The following PLA2G4A variants were observed in gnomAD, a reference collection of about 807,000 sequenced individuals.
The protein encoded by PLA2G4A is phospholipase A2 group IVA.
In PLA2G4A, 40 loss-of-function variants were observed where a neutral mutation model predicts 81.9. The ratio of observed to expected loss-of-function variants is 0.49; its 90% confidence interval spans 0.38 to 0.64. The LOEUF (loss-of-function observed/expected upper bound fraction) is 0.64. Ranked by LOEUF, PLA2G4A falls within the 30% of genes least tolerant of loss-of-function variation. The probability of loss-of-function intolerance (pLI) is 0.00; values close to 1 mark genes in which losing one functional copy is unlikely to be tolerated. For missense variants in PLA2G4A, 715 were observed against 905.1 expected (o/e 0.79, Z 2.69); for synonymous variants, 302 against 296.9 (o/e 1.02, Z -0.18).
chr1:186,912,015 G>A (rs1381947537), intron 7 of PLA2G4A, among the ~76,000 whole-genome samples: 1 of 152,082 alleles, frequency 6.6e-6, no homozygotes, highest in Non-Finnish European at 1.5e-5. Flanking sequence ...CTCAGTTCAA[G>A]GACAGAGAGA....
intron 1 of PLA2G4A, among the ~76,000 whole-genome samples, chr1:186,851,921 A>C (rs1274997572): frequency 6.6e-6 from 1 of 152,020 alleles, no homozygotes; most frequent in Non-Finnish European, 1.5e-5. Flanking sequence ...ACTCATATCG[A>C]TATTGATTAA....
chr1:186,927,963 T>A (rs929516448), intron 7 of PLA2G4A, among the ~76,000 whole-genome samples: 1 of 152,162 alleles, frequency 6.6e-6, no homozygotes, highest in African/African-American at 2.4e-5. Context: ...TTCTTTCAGT[T>A]GGTAAAGGTC....
chr1:186,943,679 A>T (rs1420110260), intron 10 of PLA2G4A, among the ~76,000 whole-genome samples: 2 of 152,142 alleles, frequency 1.3e-5, no homozygotes, highest in East Asian at 3.9e-4. Flanking sequence ...ACAATATGAG[A>T]AAATGCTCAG....
chr1:186,964,486 C>T (rs1341891951), intron 14 of PLA2G4A, among the ~76,000 whole-genome samples: 1 of 152,134 alleles, frequency 6.6e-6, no homozygotes, highest in African/African-American at 2.4e-5. Context: ...ACACACCCAG[C>T]CTGATTCTGC....
chr1:186,932,283 C>CTTTTCT (rs1239799870), intron 7 of PLA2G4A, among the ~76,000 whole-genome samples: 2 of 139,582 alleles, frequency 1.4e-5, no homozygotes, highest in African/African-American at 5.3e-5. Context: ...ATGAAACATT[C>CTTTTCT]TTTTCTTTTT....
intron 15 of PLA2G4A, among the ~76,000 whole-genome samples, chr1:186,976,770 G>T (rs1015776745): frequency 1.3e-5 from 2 of 152,180 alleles, no homozygotes; most frequent in Non-Finnish European, 2.9e-5. Context: ...AATTTTGGGG[G>T]TGCTTACCCC....
rs191423374 is a variant in PLA2G4A at position 186,870,719 on chromosome 1, G to A, written c.115+203G>A. On this transcript the variant is annotated intron_variant, in intron 3 of 17. Transcript: ENST00000367466. ...ACCTGGGCCTTAAATTAGCCAAAGTGACAAAGGGGGCCTTTGGTGACATGC... is the reference window on the plus strand; with the variant it reads ...ACCTGGGCCTTAAATTAGCCAAAGTAACAAAGGGGGCCTTTGGTGACATGC... 1,002 of 1,557,164 alleles carry A rather than the reference G, an allele frequency of 6.4e-4. 6 individuals are homozygous for A. In the African/African-American group the frequency reaches 0.012, roughly 19 times the overall value.
In PLA2G4A at chr1:186,938,869, T is replaced by C. The variant is rs562765670; in HGVS notation, c.696-139T>C. ...CTGATTGACACATTCTTTTCTTAAA[T>C]GTTTTAATATCTGCAATCAGATAAT... On this transcript the variant is annotated intron_variant, in intron 8 of 17. Coordinates refer to ENST00000367466, the MANE Select transcript of PLA2G4A (RefSeq NM_024420.3). 20 of 669,602 alleles carry C rather than the reference T, an allele frequency of 3.0e-5. 1 individual carries two copies. The highest frequency in any genetic ancestry group is 1.1e-4 in the African/African-American group (6 of 55,566). 41.5% of individuals were successfully genotyped at this position (669,602 alleles called of 1,614,324 possible).
intron 12 of PLA2G4A, among the ~76,000 whole-genome samples, chr1:186,948,579 C>G (rs1479087558): frequency 6.6e-6 from 1 of 151,594 alleles, no homozygotes; most frequent in Non-Finnish European, 1.5e-5. Context: ...CTGTGCCCCT[C>G]TGTTGAATAA....
chr1:186,853,948 G>T (rs757084835), intron 1 of PLA2G4A, among the ~76,000 whole-genome samples: 1 of 151,790 alleles, frequency 6.6e-6, no homozygotes, highest in Non-Finnish European at 1.5e-5. Flanking sequence ...GCTTAATTAT[G>T]ATATAAACAG....
At chr1:186,831,482 C>T (rs1423852293) in intron 1 of PLA2G4A, among the ~76,000 whole-genome samples, 1 of 152,090 alleles carries the variant, frequency 6.6e-6, no homozygotes, top group Non-Finnish European at 1.5e-5. Context: ...ACATCTGTTG[C>T]TTTTATTGCC....
At chr1:186,832,113 C>T (rs963866771) in intron 1 of PLA2G4A, among the ~76,000 whole-genome samples, 26 of 151,988 alleles carry the variant, frequency 1.7e-4, no homozygotes, top group Admixed American at 3.9e-4. Flanking sequence ...CTGTACTGGC[C>T]AATTATATCT....
At chr1:186,859,525 A>G (rs1161671203) in intron 2 of PLA2G4A, among the ~76,000 whole-genome samples, 1 of 152,066 alleles carries the variant, frequency 6.6e-6, no homozygotes, top group African/African-American at 2.4e-5. Flanking sequence ...CCTATTAACA[A>G]TGGAGGGGCA....
In PLA2G4A at chr1:186,978,976, G is replaced by T. The variant is rs541179282; in HGVS notation, c.1961-339G>T. 2.6e-5 allele frequency among the ~76,000 whole-genome samples: 4 copies of T among 152,302 alleles called. No homozygotes were observed. In the South Asian group the frequency reaches 8.3e-4, roughly 32 times the overall value. On this transcript the variant is annotated intron_variant, in intron 16 of 17. Coordinates refer to ENST00000367466, the MANE Select transcript of PLA2G4A (RefSeq NM_024420.3). ...ACGCACACCAAAAGGCAGGGGAATGGAGTATTTAGATTCTAACTCCCTAGA... is the reference window on the plus strand; with the variant it reads ...ACGCACACCAAAAGGCAGGGGAATGTAGTATTTAGATTCTAACTCCCTAGA...
chr1:186,947,197 A>C (rs1656377112), intron 12 of PLA2G4A, among the ~76,000 whole-genome samples: 1 of 152,130 alleles, frequency 6.6e-6, no homozygotes, highest in Non-Finnish European at 1.5e-5. Flanking sequence ...GTAATTTTTA[A>C]TAGAACACAT....
intron 15 of PLA2G4A, among the ~76,000 whole-genome samples, chr1:186,970,080 C>T (rs1237902783): frequency 6.6e-6 from 1 of 151,904 alleles, no homozygotes; most frequent in African/African-American, 2.4e-5. Context: ...CTTGTTATTT[C>T]CTATCTTTTG....
chr1:186,959,079 A>G (rs6695438), intron 14 of PLA2G4A, among the ~76,000 whole-genome samples: 145,790 of 152,168 alleles, frequency 0.96, 69,886 homozygotes, highest in East Asian at 1. Flanking sequence ...TTCAGTGAGA[A>G]AGGAGGAATT....
At chr1:186,903,911 G>T (rs926267699) in intron 5 of PLA2G4A, among the ~76,000 whole-genome samples, 5 of 152,214 alleles carry the variant, frequency 3.3e-5, no homozygotes, top group Admixed American at 3.3e-4. Flanking sequence ...CCACAAAACC[G>T]GTCCCTGGTG....
chr1:186,876,614 G>A (rs1247915233), intron 3 of PLA2G4A, among the ~76,000 whole-genome samples: 1 of 152,074 alleles, frequency 6.6e-6, no homozygotes, highest in East Asian at 1.9e-4. Flanking sequence ...TGTTGTCTTC[G>A]TGGATTCTGG....
Sources: allele counts gnomAD v4.1 joint callset (sites outside exome capture counted in the v4.1 genomes callset), GRCh38; gene constraint gnomAD v4.1.1; transcripts MANE v1.5; gene names NCBI Gene and HGNC (gene_info 2026-07-23, HGNC 2026-07-21).